LPA: variants seen among roughly 807,000 people sequenced by gnomAD.
The protein encoded by LPA is lipoprotein(a).
In LPA, 199 loss-of-function variants were observed where a neutral mutation model predicts 197.9. The ratio of observed to expected loss-of-function variants is 1.01; its 90% CI spans 0.90 to 1.13. LPA has a LOEUF of 1.13. Ranked by LOEUF, LPA falls within the 50% of genes most tolerant of loss-of-function variation. LPA has a pLI of 0.00. For missense variants in LPA, 1,853 were observed against 1,785.8 expected (o/e 1.04, Z -0.68); for synonymous variants, 715 against 639.5 (o/e 1.12, Z -1.78).
chr6:160,539,964 G>A, intron 36 of LPA, 79 bp downstream of exon 36: 3 of 1,587,134 alleles, frequency 1.9e-6, no homozygotes, highest in East Asian at 2.2e-5. Flanking sequence ...CTGCCATGCA[G>A]TGGCCATGGC....
At chr6:160,604,856 G>A (rs537498342) in intron 18 of LPA, among the ~76,000 whole-genome samples, 190 bp downstream of exon 18, 11 of 152,230 alleles carry the variant, frequency 7.2e-5, no homozygotes, top group African/African-American at 2.6e-4. Flanking sequence ...TAAACTAGGA[G>A]GAAGGAGAGC....
At chr6:160,626,189 C>A (rs1007614029) in intron 10 of LPA, among the ~76,000 whole-genome samples, 1 of 133,680 alleles carries the variant, frequency 7.5e-6, no homozygotes, top group African/African-American at 3.4e-5. Context: ...TTGAGTTTCA[C>A]GATTCTGTGA....
chr6:160,557,437 G>C lies in LPA; in HGVS notation c.4766C>G (p.Thr1589Ser), dbSNP rs1017809073. ...CSETESGVLETPTVVPVPSME... is the reference protein window; with the variant it reads ...CSETESGVLESPTVVPVPSME... Reference sequence around the variant, plus strand: ...GCTTGGAACTGGAACAACAGTGGGAGTCTCTAGGACACCTGATTCTGTTTC... The same window carrying C: ...GCTTGGAACTGGAACAACAGTGGGACTCTCTAGGACACCTGATTCTGTTTC... Residue 1589 changes from threonine (T) to serine (S), a missense_variant, in exon 29 of 39, where the codon ACT becomes AGT. Physicochemically the swap from Thr to Ser is moderately conservative, Grantham distance 58 (BLOSUM62 1). Around this residue, in one of 3 missense-constraint regions of LPA, gnomAD observed 1,737 missense variants for 1,504.4 expected, o/e 1.15. Coordinates refer to ENST00000316300, the MANE Select transcript of LPA (RefSeq NM_005577.4). 1.9e-6 allele frequency: 3 copies of C among 1,613,996 alleles called. No homozygotes were observed. Among genetic ancestry groups the C allele is most frequent in the Non-Finnish European group, 2.5e-6 (3 of 1,180,026 alleles).
intron 37 of LPA, among the ~76,000 whole-genome samples, chr6:160,534,377 C>T (rs1342550891): frequency 6.6e-6 from 1 of 152,222 alleles, no homozygotes; most frequent in East Asian, 1.9e-4. Context: ...GTATGTGCTG[C>T]CATCTCGTGG....
intron 30 of LPA, among the ~76,000 whole-genome samples, chr6:160,548,993 A>T (rs754729896): frequency 6.6e-6 from 1 of 152,156 alleles, no homozygotes; most frequent in East Asian, 1.9e-4. Flanking sequence ...ATTGCTGGGG[A>T]GGCCTCTGGA....
intron 20 of LPA, among the ~76,000 whole-genome samples, chr6:160,597,286 C>T (rs1779152299): frequency 6.6e-6 from 1 of 152,248 alleles, no homozygotes; most frequent in African/African-American, 2.4e-5. Flanking sequence ...AAATCTCTAA[C>T]TCAGAGTGTG....
intron 32 of LPA, 84 bp downstream of exon 32, chr6:160,547,705 C>A (rs1778095035): frequency 6.3e-7 from 1 of 1,591,550 alleles, no homozygotes; most frequent in South Asian, 1.1e-5. Context: ...CTCCTGAAGT[C>A]TTTCCAGTAT....
chr6:160,598,299 G>T (rs1562338088), intron 20 of LPA, among the ~76,000 whole-genome samples: 1 of 152,142 alleles, frequency 6.6e-6, no homozygotes, highest in South Asian at 2.1e-4. Flanking sequence ...TATGCCTGGA[G>T]CTCCTATCCT....
Position 160,567,075 on chromosome 6 carries a change from G to C in LPA, c.4632-9504C>G, listed in dbSNP as rs183474483. Reference sequence around the variant, plus strand: ...CTTTAACACCCCACTGTCAACATTAGACAGATCAATGAGACAGAAAGTTAA... The same window carrying C: ...CTTTAACACCCCACTGTCAACATTACACAGATCAATGAGACAGAAAGTTAA... On this transcript the variant is annotated intron_variant, in intron 28 of 38. Transcript: ENST00000316300. Among the ~76,000 whole-genome samples the C allele has an allele frequency of 9.2e-5, 14 of 152,116 alleles. 1 individual carries two copies. Among genetic ancestry groups the C allele is most frequent in the Admixed American group, 7.9e-4 (12 of 15,272 alleles).
chr6:160,531,498 T>C lies in LPA; in HGVS notation c.*231A>G, dbSNP rs1490260990. The C allele has an allele frequency of 1.8e-6, 1 of 564,606 alleles. No individual in the cohort carries two copies. Among genetic ancestry groups the C allele is most frequent in the African/African-American group, 1.9e-5 (1 of 53,068 alleles). 35.0% of individuals were successfully genotyped at this position (564,606 alleles called of 1,614,324 possible). Reference sequence around the variant, plus strand: ...CAAAATTAATTCAAATCAAAATAAGTGCAGAGTTTATTTTTAACAAATGTC... The same window carrying C: ...CAAAATTAATTCAAATCAAAATAAGCGCAGAGTTTATTTTTAACAAATGTC... On this transcript the variant is annotated 3_prime_UTR_variant, in exon 39 of 39. Coordinates refer to ENST00000316300, the MANE Select transcript of LPA (RefSeq NM_005577.4).
chr6:160,605,728 C>A (rs970212189), intron 17 of LPA, among the ~76,000 whole-genome samples: 1 of 152,172 alleles, frequency 6.6e-6, no homozygotes, highest in Admixed American at 6.5e-5. Flanking sequence ...AGTCCTTCGT[C>A]TAGGACTGCA....
chr6:160,542,633 T>C (rs1583567370), intron 34 of LPA, 55 bp downstream of exon 34: 1 of 1,609,870 alleles, frequency 6.2e-7, no homozygotes, highest in Non-Finnish European at 8.5e-7. Flanking sequence ...TGTAGAAGGG[T>C]TTTGTGGGGC....
chr6:160,552,584 T>A (rs1186463891), intron 30 of LPA, among the ~76,000 whole-genome samples: 3 of 152,232 alleles, frequency 2.0e-5, no homozygotes, highest in Non-Finnish European at 4.4e-5. Flanking sequence ...AGCACGTATA[T>A]ACTTTTGTTT....
chr6:160,552,409 C>T (rs1389593751), intron 30 of LPA, among the ~76,000 whole-genome samples: 1 of 152,096 alleles, frequency 6.6e-6, no homozygotes, highest in Non-Finnish European at 1.5e-5. Context: ...TTAATTCTTT[C>T]CTCAACATTG....
chr6:160,610,658 C>T (rs1224711204), intron 16 of LPA, among the ~76,000 whole-genome samples: 1 of 152,178 alleles, frequency 6.6e-6, no homozygotes, highest in Non-Finnish European at 1.5e-5. Flanking sequence ...CCTCCACAAA[C>T]CAGTTCTTAT....
rs557052729 is a variant in LPA, at chr6:160,538,618, G to A, written c.5736-657C>T. Among the ~76,000 whole-genome samples, 17 of 152,214 alleles carry A rather than the reference G, an allele frequency of 1.1e-4. 1 individual carries two copies. In the East Asian group the frequency reaches 2.7e-3, roughly 24 times the overall value. ...TGATTCTACTTTAGTAAGTTCAAGG[G>A]GATAAAGGAATGGAAATGAGAAATG... On this transcript the variant is annotated intron_variant, in intron 36 of 38. Transcript: ENST00000316300.
At chr6:160,582,797 C>T (rs139315768) in intron 26 of LPA, among the ~76,000 whole-genome samples, 1 of 152,110 alleles carries the variant, frequency 6.6e-6, no homozygotes, top group Non-Finnish European at 1.5e-5. Context: ...TCCAATATCT[C>T]TTTCCCTTCC....
intron 16 of LPA, among the ~76,000 whole-genome samples, chr6:160,607,728 G>C (rs936513969): frequency 2.6e-5 from 4 of 152,112 alleles, no homozygotes; most frequent in African/African-American, 7.3e-5. Flanking sequence ...GTGGCCTAGT[G>C]TCAATCCCAG....
intron 17 of LPA, 106 bp downstream of exon 17, chr6:160,606,371 C>G (rs1204673301): frequency 6.7e-7 from 1 of 1,487,042 alleles, no homozygotes; most frequent in East Asian, 2.3e-5. Context: ...ACTCAGTCAA[C>G]ACTCGAGCAT....
Sources: gnomAD v4.1 joint callset for allele counts (sites outside exome capture counted in the v4.1 genomes callset) on GRCh38, gnomAD v4.1.1 for gene constraint, gnomAD v4.1.1 regional missense constraint, MANE v1.5 for transcripts, NCBI Gene and HGNC (gene_info 2026-07-23, HGNC 2026-07-21) for gene names.